The following RANBP17 variants were observed in gnomAD, a reference collection of about 807,000 sequenced individuals.
RANBP17 encodes ran-binding protein 17.
RANBP17 carries 158 observed loss-of-function variants against 141.2 expected under a neutral mutation model. The observed-to-expected ratio is 1.12, with a 90% CI of 0.98 to 1.28. The LOEUF (loss-of-function observed/expected upper bound fraction) is 1.28. Among genes scored for constraint, RANBP17 ranks in the 50% most tolerant of loss-of-function variants. RANBP17 has a pLI of 0.00. For missense variants in RANBP17, 1,438 were observed against 1,290.7 expected (o/e 1.11, Z -1.75); for synonymous variants, 430 against 450.0 (o/e 0.96, Z 0.56).
At chr5:170,943,855 G>A (rs1389862689) in intron 12 of RANBP17, among the ~76,000 whole-genome samples, 1 of 152,062 alleles carries the variant, frequency 6.6e-6, no homozygotes, top group Non-Finnish European at 1.5e-5. Context: ...ACCTTCCATA[G>A]TTACCATTTT....
At chr5:171,013,466 A>G (rs1436644315) in intron 14 of RANBP17, among the ~76,000 whole-genome samples, 1 of 152,048 alleles carries the variant, frequency 6.6e-6, no homozygotes, top group East Asian at 1.9e-4. Flanking sequence ...AGCCTGTTCT[A>G]GATATTTTTT....
At chr5:171,253,151 TC>T (rs1352912975) in intron 24 of RANBP17, among the ~76,000 whole-genome samples, 3 of 152,212 alleles carry the variant, frequency 2.0e-5, no homozygotes, top group Admixed American at 2.0e-4. Flanking sequence ...GACAAGCCCT[TC>T]CGATCACAGT....
At chr5:171,224,371 T>G (rs1763765857) in intron 22 of RANBP17, among the ~76,000 whole-genome samples, 1 of 152,228 alleles carries the variant, frequency 6.6e-6, no homozygotes, top group Non-Finnish European at 1.5e-5. Flanking sequence ...TTCTTTTCAC[T>G]AAATATATTT....
chr5:171,125,385 TCAAA>T (rs915367079), intron 14 of RANBP17, among the ~76,000 whole-genome samples: 46 of 123,026 alleles, frequency 3.7e-4, no homozygotes, highest in Non-Finnish European at 7.3e-4. Context: ...GAACTGTATA[TCAAA>T]CAAAGGGTAA....
intron 14 of RANBP17, among the ~76,000 whole-genome samples, chr5:171,003,168 C>T (rs944134269): frequency 7.2e-5 from 11 of 152,134 alleles, no homozygotes; most frequent in South Asian, 2.1e-4. Flanking sequence ...CTACAGAGTG[C>T]GGTCCTGGTC....
chr5:170,989,279 G>A (rs1459520029), intron 14 of RANBP17, among the ~76,000 whole-genome samples: 1 of 151,708 alleles, frequency 6.6e-6, no homozygotes, highest in Non-Finnish European at 1.5e-5. Flanking sequence ...TTCAGTCTGT[G>A]TAAATAATCC....
intron 16 of RANBP17, among the ~76,000 whole-genome samples, chr5:171,178,537 G>A (rs1324105836): frequency 6.6e-6 from 1 of 152,128 alleles, no homozygotes; most frequent in Non-Finnish European, 1.5e-5. Context: ...TTTATACCCA[G>A]TAATGGGATT....
intron 14 of RANBP17, among the ~76,000 whole-genome samples, chr5:171,138,920 G>C (rs1015181869): frequency 2.0e-5 from 3 of 151,894 alleles, no homozygotes; most frequent in Admixed American, 6.6e-5. Flanking sequence ...TGCAAAAAAT[G>C]GAAAAATTGG....
At chr5:170,984,980 AAGACACACACATATACAC>A (rs1778027423) in intron 14 of RANBP17, among the ~76,000 whole-genome samples, 1 of 151,778 alleles carries the variant, frequency 6.6e-6, no homozygotes, top group South Asian at 2.1e-4. Context: ...CACACACACA[AAGACACACACATATACAC>A]AGACACACAG....
intron 14 of RANBP17, chr5:170,968,691 T>A: frequency 2.1e-6 from 1 of 467,626 alleles, no homozygotes; most frequent in South Asian, 1.6e-5. Flanking sequence ...AAGATTTGCT[T>A]TTTTAGTAGT....
chr5:171,133,203 A>G (rs1757048044), intron 14 of RANBP17, among the ~76,000 whole-genome samples: 1 of 152,162 alleles, frequency 6.6e-6, no homozygotes, highest in South Asian at 2.1e-4. Context: ...TCTTTTAATA[A>G]ATTAAGCTAA....
At chr5:170,878,831 T>C (rs1581035072) in intron 2 of RANBP17, among the ~76,000 whole-genome samples, 1 of 152,016 alleles carries the variant, frequency 6.6e-6, no homozygotes, top group Non-Finnish European at 1.5e-5. Flanking sequence ...TAGAGCAGAG[T>C]TGTCAAACTT....
chr5:170,970,604 T>G (rs1776914292), intron 14 of RANBP17: 1 of 152,118 alleles, frequency 6.6e-6, no homozygotes, highest in South Asian at 2.1e-4. Context: ...TGGGAGTTAT[T>G]TATATCCTAC....
At chr5:171,086,250 A>G (rs2127717852) in intron 14 of RANBP17, among the ~76,000 whole-genome samples, 1 of 136,458 alleles carries the variant, frequency 7.3e-6, no homozygotes, top group Admixed American at 7.5e-5. Flanking sequence ...GGCTCTGTTT[A>G]TATGCTGGAT....
intron 14 of RANBP17, among the ~76,000 whole-genome samples, chr5:171,050,602 GA>G (rs1782893386): frequency 6.6e-6 from 1 of 152,150 alleles, no homozygotes; most frequent in African/African-American, 2.4e-5. Context: ...AGCTCTTCAG[GA>G]GGCTGAGGCA....
chr5:171,052,751 A>G lies in RANBP17; in HGVS notation c.1710+84374A>G, dbSNP rs183990670. Among the ~76,000 whole-genome samples, 6 of 152,342 alleles carry G rather than the reference A, an allele frequency of 3.9e-5. No homozygotes were observed. In the East Asian group the frequency reaches 1.2e-3, roughly 29 times the overall value. On this transcript the variant is annotated intron_variant, in intron 14 of 27. Coordinates refer to ENST00000523189, the MANE Select transcript of RANBP17 (RefSeq NM_022897.5). ...GAACATCAGATTTTCTGTTTCTACAAAAATGCCATTGAATTTTGATAGGTA... is the reference window on the plus strand; with the variant it reads ...GAACATCAGATTTTCTGTTTCTACAGAAATGCCATTGAATTTTGATAGGTA...
intron 14 of RANBP17, among the ~76,000 whole-genome samples, chr5:171,020,010 G>A (rs187866338): frequency 1.3e-5 from 2 of 152,182 alleles, no homozygotes; most frequent in East Asian, 3.9e-4. Flanking sequence ...CTTGATTCCT[G>A]CCTTCATTTC....
intron 14 of RANBP17, among the ~76,000 whole-genome samples, chr5:171,047,365 T>TCC: frequency 6.6e-6 from 1 of 152,016 alleles, no homozygotes; most frequent in Non-Finnish European, 1.5e-5. Context: ...GGTTTTTTTT[T>TCC]CCACAAACTT....
chr5:171,062,555 G>C (rs1196415784), intron 14 of RANBP17, among the ~76,000 whole-genome samples: 1 of 152,154 alleles, frequency 6.6e-6, no homozygotes, highest in Non-Finnish European at 1.5e-5. Context: ...GCTTCCCTTT[G>C]AGGGTAACCC....
Sources: gnomAD v4.1 joint callset for allele counts (sites outside exome capture counted in the v4.1 genomes callset) on GRCh38, gnomAD v4.1.1 for gene constraint, MANE v1.5 for transcripts, NCBI Gene and HGNC (gene_info 2026-07-23, HGNC 2026-07-21) for gene names.